Variants in SH3BGRL observed in about 807,000 individuals in gnomAD.
The protein encoded by SH3BGRL is SH3 domain binding glutamate rich protein like.
In SH3BGRL, 7 loss-of-function variants were observed where a neutral mutation model predicts 9.8. The ratio of observed to expected loss-of-function variants is 0.72; its 90% confidence interval spans 0.41 to 1.35. SH3BGRL has a LOEUF of 1.35. SH3BGRL is among the 40% of genes most tolerant of loss of function. The pLI, the probability that SH3BGRL is intolerant of heterozygous loss-of-function variation, is 0.01. For synonymous variants in SH3BGRL, 36 were observed against 29.1 expected (o/e 1.24, Z -0.76); for missense variants, 73 against 84.4 (o/e 0.86, Z 0.53).
chrX:81,225,171 C>T (rs186660939), intron 1 of SH3BGRL, among the ~76,000 whole-genome samples: 2 of 110,641 alleles, frequency 1.8e-5, no homozygotes, highest in East Asian at 5.7e-4. Context: ...AGCTCTTTAG[C>T]CATGGAAAAG....
At chrX:81,241,376 C>A (rs762192741) in intron 1 of SH3BGRL, among the ~76,000 whole-genome samples, 1 of 112,270 alleles carries the variant, frequency 8.9e-6, no homozygotes, top group East Asian at 2.8e-4. Context: ...ACCTTCAAGA[C>A]AGATAAAGTC....
chrX:81,210,112 G>A (rs909662629), intron 1 of SH3BGRL, among the ~76,000 whole-genome samples: 1 of 110,706 alleles, frequency 9.0e-6, no homozygotes, highest in African/African-American at 3.3e-5. Context: ...CCTAGAGTTA[G>A]GGTCTAGCCA....
At chrX:81,227,882 C>T (rs2147677709) in intron 1 of SH3BGRL, among the ~76,000 whole-genome samples, 1 of 111,732 alleles carries the variant, frequency 8.9e-6, no homozygotes, top group Non-Finnish European at 1.9e-5. Context: ...GATTTCTGCA[C>T]TGTCTGGTGA....
At chrX:81,206,777 A>T (rs1191629456) in intron 1 of SH3BGRL, among the ~76,000 whole-genome samples, 2 of 111,898 alleles carry the variant, frequency 1.8e-5, no homozygotes, top group East Asian at 5.6e-4. Context: ...GGCCAAGAAG[A>T]TAGAGAAGAC....
intron 1 of SH3BGRL, among the ~76,000 whole-genome samples, chrX:81,211,704 G>A (rs968285242): frequency 2.7e-5 from 3 of 111,281 alleles, no homozygotes; most frequent in Non-Finnish European, 3.8e-5. Flanking sequence ...AAGAGAGACA[G>A]GCCTAGCCTC....
At chrX:81,268,146 T>G (rs1448567780) in intron 1 of SH3BGRL, among the ~76,000 whole-genome samples, 1 of 111,312 alleles carries the variant, frequency 9.0e-6, no homozygotes, top group Non-Finnish European at 1.9e-5. Context: ...TCTATTTTGT[T>G]GATTGTTTCA....
chrX:81,262,461 T>C (rs2075744181), intron 1 of SH3BGRL, among the ~76,000 whole-genome samples: 1 of 111,484 alleles, frequency 9.0e-6, no homozygotes, highest in Non-Finnish European at 1.9e-5. Flanking sequence ...TTCTACGAAA[T>C]ACTTAACCAG....
chrX:81,259,483 C>T (rs1425554270), intron 1 of SH3BGRL, among the ~76,000 whole-genome samples: 1 of 111,670 alleles, frequency 9.0e-6, no homozygotes, highest in African/African-American at 3.3e-5. Flanking sequence ...CTCACTGTAC[C>T]GAATTGGTAA....
chrX:81,228,582 T>A (rs1040246689), intron 1 of SH3BGRL, among the ~76,000 whole-genome samples: 1 of 111,152 alleles, frequency 9.0e-6, no homozygotes, highest in Non-Finnish European at 1.9e-5. Context: ...GGGAGGAAGG[T>A]ATAATGAGGC....
chrX:81,292,339 T>C (rs1393247953), intron 3 of SH3BGRL, among the ~76,000 whole-genome samples: 1 of 111,704 alleles, frequency 9.0e-6, no homozygotes, highest in Non-Finnish European at 1.9e-5. Context: ...TTCCATCATC[T>C]GGAGCAGTGG....
chrX:81,284,261 T>C (rs1366994221), intron 3 of SH3BGRL, among the ~76,000 whole-genome samples: 2 of 110,940 alleles, frequency 1.8e-5, no homozygotes, highest in Non-Finnish European at 3.8e-5. Flanking sequence ...ACAAATTCAA[T>C]GCAATTCCCA....
chrX:81,283,727 A>C (rs1370624024), intron 3 of SH3BGRL, among the ~76,000 whole-genome samples: 3 of 111,425 alleles, frequency 2.7e-5, no homozygotes, highest in Non-Finnish European at 5.7e-5. Flanking sequence ...GAATGGGGAA[A>C]AGTTGAAAAC....
chrX:81,284,307 C>A (rs1193018411), intron 3 of SH3BGRL, among the ~76,000 whole-genome samples: 2 of 109,965 alleles, frequency 1.8e-5, no homozygotes, highest in African/African-American at 6.6e-5. Flanking sequence ...AGAAAAAAAT[C>A]CTAAAATTCA....
intron 3 of SH3BGRL, among the ~76,000 whole-genome samples, chrX:81,292,315 C>A (rs753677033): frequency 8.9e-6 from 1 of 111,972 alleles, no homozygotes; most frequent in Admixed American, 9.4e-5. Context: ...GTGGAAGTAC[C>A]CAAGGCTTGT....
rs960276301 is a variant in SH3BGRL, at chrX:81,274,167, C to G, written c.46-2817C>G. Among the ~76,000 whole-genome samples, 10 of 111,699 alleles carry G rather than the reference C, an allele frequency of 9.0e-5. No homozygotes were observed. The South Asian group carries it at 1.5e-3, about 17-fold the overall frequency. On this transcript the variant is annotated intron_variant, in intron 1 of 3. Coordinates refer to ENST00000373212, the MANE Select transcript of SH3BGRL (RefSeq NM_003022.3). ...AAATGAACCCTTGTGACACCTATTCCTCTTGGTTCTGGCAATATATGGTTT... is the reference window on the plus strand; with the variant it reads ...AAATGAACCCTTGTGACACCTATTCGTCTTGGTTCTGGCAATATATGGTTT...
At chrX:81,254,076 T>C (rs1464960626) in intron 1 of SH3BGRL, among the ~76,000 whole-genome samples, 2 of 111,799 alleles carry the variant, frequency 1.8e-5, no homozygotes, top group Non-Finnish European at 3.8e-5. Context: ...GCAAGTAGGG[T>C]AAAATCTCAG....
chrX:81,231,585 G>T (rs1301708985), intron 1 of SH3BGRL, among the ~76,000 whole-genome samples: 1 of 112,145 alleles, frequency 8.9e-6, no homozygotes, highest in Non-Finnish European at 1.9e-5. Flanking sequence ...GCAGTTTGTT[G>T]CTGTATGTAG....
chrX:81,260,186 G>T (rs915250961), intron 1 of SH3BGRL, among the ~76,000 whole-genome samples: 6 of 111,686 alleles, frequency 5.4e-5, no homozygotes, highest in African/African-American at 2.0e-4. Context: ...TCATTAAGTT[G>T]GCAGACAGTG....
At chrX:81,272,234 T>C (rs1305776530) in intron 1 of SH3BGRL, among the ~76,000 whole-genome samples, 1 of 105,424 alleles carries the variant, frequency 9.5e-6, no homozygotes, top group East Asian at 3.0e-4. Context: ...GTTTAGTAGG[T>C]CGTGGCAGTA....
Sources: allele counts gnomAD v4.1 joint callset (sites outside exome capture counted in the v4.1 genomes callset), GRCh38; gene constraint gnomAD v4.1.1; transcripts MANE v1.5; gene names NCBI Gene and HGNC (gene_info 2026-07-23, HGNC 2026-07-21).